Variants in ERCC6 observed in about 807,000 individuals in gnomAD.
ERCC6 encodes ERCC excision repair 6, chromatin remodeling factor.
In ERCC6, 116 loss-of-function variants were observed where a neutral mutation model predicts 158.7. The ratio of observed to expected loss-of-function variants is 0.73; its 90% CI spans 0.63 to 0.85. The LOEUF is 0.85. Ranked by LOEUF, ERCC6 falls within the 40% of genes least tolerant of loss-of-function variation. The probability of loss-of-function intolerance (pLI) is 0.00; values close to 1 mark genes in which losing one functional copy is unlikely to be tolerated. For missense variants in ERCC6, 1,698 were observed against 1,799.4 expected (o/e 0.94, Z 1.02); for synonymous variants, 678 against 659.3 (o/e 1.03, Z -0.43).
the ERCC6 span, among the ~76,000 whole-genome samples, chr10:49,443,823 G>A: frequency 6.6e-6 from 1 of 152,192 alleles, no homozygotes; most frequent in Non-Finnish European, 1.5e-5. Context: ...TGTAGTAGCT[G>A]TACCACTGAG....
At chr10:49,523,386 C>T (rs901673272) in intron 5 of ERCC6, among the ~76,000 whole-genome samples, 1 of 152,210 alleles carries the variant, frequency 6.6e-6, no homozygotes. Context: ...TTTTATGGTG[C>T]TTGCTTTATA....
At chr10:49,476,726 C>T (rs1418062664) in intron 11 of ERCC6, among the ~76,000 whole-genome samples, 2 of 152,146 alleles carry the variant, frequency 1.3e-5, no homozygotes, top group East Asian at 3.9e-4. Flanking sequence ...TAAGTGCAGG[C>T]CCATGAGTTA....
intron 18 of ERCC6, among the ~76,000 whole-genome samples, chr10:49,466,045 T>C (rs1293976707): frequency 1.3e-5 from 2 of 152,142 alleles, no homozygotes; most frequent in African/African-American, 2.4e-5. Flanking sequence ...GAAGATAACA[T>C]AGAGTCAACA....
At chr10:49,524,950 C>G in intron 4 of ERCC6, 173 bp from the exon 5 acceptor site, 9 of 1,415,770 alleles carry the variant, frequency 6.4e-6, no homozygotes, top group Non-Finnish European at 7.5e-6. Context: ...ATTATAGCAT[C>G]ATGCTATATT....
intron 10 of ERCC6, among the ~76,000 whole-genome samples, chr10:49,480,715 A>C (rs1850963879): frequency 6.6e-6 from 1 of 152,224 alleles, no homozygotes; most frequent in Non-Finnish European, 1.5e-5. Context: ...CATCACCCAT[A>C]GTGGAACAAA....
At chr10:49,520,863 A>G (rs1181435397) in intron 5 of ERCC6, among the ~76,000 whole-genome samples, 2 of 152,222 alleles carry the variant, frequency 1.3e-5, no homozygotes, top group African/African-American at 4.8e-5. Flanking sequence ...ATGTGCCTCC[A>G]AAGCAAAGCA....
Position 49,470,442 on chromosome 10 carries a change from T to A in ERCC6, c.3518A>T (p.Gln1173Leu), listed in dbSNP as rs548520334. The A allele has an allele frequency of 1.4e-5, 22 of 1,614,144 alleles. No individual in the cohort carries two copies. In the South Asian group the frequency reaches 2.4e-4, roughly 18 times the overall value. Residue 1173 changes from glutamine to leucine, a missense_variant, in exon 18 of 21, where the codon CAA (glutamine) becomes CTA (leucine). Physicochemically the swap from Gln to Leu is moderately radical, Grantham distance 113. Coordinates refer to ENST00000355832, the MANE Select transcript of ERCC6 (RefSeq NM_000124.4). ...AQTEAFWENK[Q>L]MENNFYKHKS... is the part of the protein sequence containing the mutation. ...GTGCTTATAAAAATTATTTTCCATT[T>A]GTTTATTCTCCCAAAAAGCTTCTGT...
At chr10:49,501,031 G>A in intron 6 of ERCC6, 7 of 252,662 alleles carry the variant, frequency 2.8e-5, no homozygotes, top group East Asian at 1.0e-4. Flanking sequence ...CACTTTCTGG[G>A]GGAAAAAATC....
intron 4 of ERCC6, among the ~76,000 whole-genome samples, chr10:49,526,117 TTATATATATA>T (rs55801003): frequency 0.021 from 919 of 43,390 alleles, 21 homozygotes; most frequent in African/African-American, 0.076. Flanking sequence ...TTATATATTT[TTATATATATA>T]TATATATATA....
intron 6 of ERCC6, chr10:49,503,780 G>A (rs531832928): frequency 6.6e-6 from 1 of 152,090 alleles, no homozygotes; most frequent in East Asian, 1.9e-4. Flanking sequence ...TTACTCTTTA[G>A]GGACAGTTAA....
At chr10:49,484,878 G>A (rs776842694) in intron 8 of ERCC6, among the ~76,000 whole-genome samples, 15 of 152,186 alleles carry the variant, frequency 9.9e-5, no homozygotes, top group Non-Finnish European at 1.9e-4. Flanking sequence ...AAAAATGTCC[G>A]AAGGCAAAGA....
chr10:49,535,856 G>A (rs1319301123), intron 1 of ERCC6, among the ~76,000 whole-genome samples: 2 of 152,204 alleles, frequency 1.3e-5, no homozygotes, highest in Non-Finnish European at 2.9e-5. Flanking sequence ...AGGCTTGGTG[G>A]CTCACACCTG....
rs1376122913 is a variant in ERCC6 at position 49,528,508 on chromosome 10, C to G, written c.561G>C (p.Lys187Asn). ...QKYNKEQQLK[K>N]ITAKQKHLQA... ...GGAGATGCTTTTGTTTTGCAGTGAT[C>G]TTTTTTAGCTGTTGTTCCTTGAATG... The change falls in exon 4 of 21, where the codon AAG becomes AAC. Residue 187 changes from lysine (K) to asparagine (N), a missense_variant. Transcript: ENST00000355832. The G allele has an allele frequency of 6.2e-7, 1 of 1,613,984 alleles. No individual in the cohort carries two copies. Among genetic ancestry groups the G allele is most frequent in the Non-Finnish European group, 8.5e-7 (1 of 1,180,008 alleles).
intron 1 of ERCC6, among the ~76,000 whole-genome samples, chr10:49,534,149 A>AC (rs202001914): frequency 0.17 from 24,840 of 144,824 alleles, 2,725 homozygotes; most frequent in South Asian, 0.33. Context: ...AAAAAAAAAA[A>AC]AAAAACAAAA....
chr10:49,503,966 C>G (rs150901215), intron 6 of ERCC6: 8 of 152,168 alleles, frequency 5.3e-5, no homozygotes, highest in Non-Finnish European at 1.0e-4. Context: ...CATTTGACTG[C>G]TAAATTAGAT....
intron 8 of ERCC6, among the ~76,000 whole-genome samples, chr10:49,486,840 A>T (rs2132556672): frequency 6.6e-6 from 1 of 152,358 alleles, no homozygotes; most frequent in Middle Eastern, 3.4e-3. Flanking sequence ...ATAGAAAAAG[A>T]ATGGATTCCA....
In ERCC6 at chr10:49,472,489, G is replaced by A; in HGVS notation, c.2830-19C>T. On this transcript the variant is annotated intron_variant, in intron 15 of 20. Coordinates refer to ENST00000355832, the MANE Select transcript of ERCC6 (RefSeq NM_000124.4). ...CCCGGGCCTGCAACAGAGAGAGAGA[G>A]ACCTCTCAACGAGAATCCTTCCCAA... 2 of 1,603,736 alleles carry A rather than the reference G, an allele frequency of 1.2e-6. No individual in the cohort carries two copies. The highest frequency in any genetic ancestry group is 1.7e-6 in the Non-Finnish European group (2 of 1,170,988).
intron 5 of ERCC6, among the ~76,000 whole-genome samples, chr10:49,523,687 T>C (rs4253052): frequency 0.024 from 3,610 of 152,234 alleles, 153 homozygotes; most frequent in African/African-American, 0.081. Context: ...AATTCACCCT[T>C]TTCTTTTTCC....
chr10:49,468,401 C>A (rs923952368), intron 18 of ERCC6, among the ~76,000 whole-genome samples: 2 of 152,196 alleles, frequency 1.3e-5, no homozygotes, highest in Non-Finnish European at 2.9e-5. Context: ...GGCAGTAGGG[C>A]AGGGCAACTG....
Sources: gnomAD v4.1 joint callset for allele counts (sites outside exome capture counted in the v4.1 genomes callset) on GRCh38, gnomAD v4.1.1 for gene constraint, MANE v1.5 for transcripts, NCBI Gene and HGNC (gene_info 2026-07-23, HGNC 2026-07-21) for gene names.